Variants in EIF4E3 observed in about 807,000 individuals in gnomAD.
EIF4E3 encodes eukaryotic translation initiation factor 4E type 3.
A neutral mutation model predicts 31.7 loss-of-function variants in EIF4E3; 26 were observed. The ratio of observed to expected loss-of-function variants is 0.82; its 90% confidence interval spans 0.60 to 1.14. EIF4E3 has a LOEUF of 1.14. EIF4E3 is among the 50% of genes most tolerant of loss of function. The pLI is 0.00. For missense variants in EIF4E3, 304 were observed against 270.9 expected, an observed-to-expected ratio of 1.12 and a Z score of -0.86; for synonymous variants, 128 against 107.7, an observed-to-expected ratio of 1.19 and a Z score of -1.17.
At chr3:71,729,796 G>T (rs924477874), upstream of EIF4E3, among the ~76,000 whole-genome samples, 2 of 140,656 alleles carry the variant, frequency 1.4e-5, no homozygotes, top group Non-Finnish European at 3.1e-5. Flanking sequence ...CATTCCAATA[G>T]AATGTGTGTG....
chr3:71,754,024 G>T (rs1251941425), upstream of EIF4E3: 15 of 1,144,762 alleles, frequency 1.3e-5, no homozygotes, highest in Non-Finnish European at 1.6e-5. The surrounding 1 kb of genome is among the most constrained non-coding windows in gnomAD (Gnocchi z 5.8). Context: ...GCCCCGGGGC[G>T]GAGCGCACGG....
chr3:71,685,040 T>C (rs1460562832), intron 6 of EIF4E3, among the ~76,000 whole-genome samples: 3 of 152,100 alleles, frequency 2.0e-5, no homozygotes, highest in Non-Finnish European at 4.4e-5. Context: ...TGCAAGCAAA[T>C]GCCGCAGGGG....
rs2048964012 is a variant in EIF4E3 at position 71,684,505 on chromosome 3, A to C, written c.*177T>G. 6.3e-6 allele frequency: 3 copies of C among 477,220 alleles called. No homozygotes were observed. The highest frequency in any genetic ancestry group is 7.1e-6 in the Non-Finnish European group (2 of 282,020). The allele number at this position is 477,220 out of a possible 1,614,324, so 29.6% of individuals were successfully genotyped here. On this transcript the variant is annotated 3_prime_UTR_variant, in exon 7 of 7. Coordinates refer to ENST00000425534, the MANE Select transcript of EIF4E3 (RefSeq NM_001134651.2). The stretch of plus-strand genomic sequence containing the variant: ...AAGTAATGTGACGGTAGAAACCCAC[A>C]CAATCTCCCCCCACCCCACCTGCCA...
intron 2 of EIF4E3, among the ~76,000 whole-genome samples, 161 bp downstream of exon 2, chr3:71,710,251 G>A (rs1353148020): frequency 1.3e-5 from 2 of 152,202 alleles, no homozygotes; most frequent in Non-Finnish European, 1.5e-5. Flanking sequence ...TGGCCCTGGA[G>A]CAGACTTGGT....
chr3:71,715,776 A>G lies in EIF4E3; in HGVS notation c.177-5292T>C, dbSNP rs557332914. ...ATGTAATAATGGCTCCCTTTTATTA[A>G]CCATGTATTATATGAAAGGGTTTTG... On this transcript the variant is annotated intron_variant, in intron 1 of 6. Coordinates refer to ENST00000425534, the MANE Select transcript of EIF4E3 (RefSeq NM_001134651.2). 2.6e-5 allele frequency among the ~76,000 whole-genome samples: 4 copies of G among 152,360 alleles called. No individual in the cohort carries two copies. The East Asian group carries it at 7.7e-4, about 29-fold the overall frequency.
chr3:71,700,207 A>G (rs1175794605), intron 2 of EIF4E3, among the ~76,000 whole-genome samples: 1 of 152,068 alleles, frequency 6.6e-6, no homozygotes, highest in African/African-American at 2.4e-5. Flanking sequence ...CAACAACAAG[A>G]AGAAAAGATG....
In EIF4E3 at chr3:71,680,261, G is replaced by A. The variant is rs570328970; in HGVS notation, c.*4421C>T. On this transcript the variant is annotated 3_prime_UTR_variant, in exon 7 of 7. Coordinates refer to ENST00000425534, the MANE Select transcript of EIF4E3 (RefSeq NM_001134651.2). The stretch of plus-strand genomic sequence containing the variant: ...ATAAAATCAGGGGTTCTCCAAGAGC[G>A]ATCTGAGCACCATCAGCATTAGAAT... 7.2e-5 allele frequency: 11 copies of A among 152,292 alleles called. No homozygotes were observed. Among genetic ancestry groups the A allele is most frequent in the African/African-American group, 2.2e-4 (9 of 41,548 alleles). 9.4% of individuals were successfully genotyped at this position (152,292 alleles called of 1,614,324 possible).
chr3:71,711,616 A>C (rs1255800769), intron 1 of EIF4E3, among the ~76,000 whole-genome samples: 1 of 152,222 alleles, frequency 6.6e-6, no homozygotes, highest in Non-Finnish European at 1.5e-5. Context: ...GGGTAAGCAC[A>C]GCAAGGACTA....
rs150850051 is a variant in EIF4E3, at chr3:71,678,456, C to T, written c.*6226G>A. 19 of 152,236 alleles carry T rather than the reference C, an allele frequency of 1.2e-4. No homozygotes were observed. In the East Asian group the frequency reaches 3.7e-3, roughly 29 times the overall value. The allele number at this position is 152,236 out of a possible 1,614,324, so 9.4% of individuals were successfully genotyped here. On this transcript the variant is annotated 3_prime_UTR_variant, in exon 7 of 7. Coordinates refer to ENST00000425534, the MANE Select transcript of EIF4E3 (RefSeq NM_001134651.2). ...CTAAACACATAAATCACTACCTTTT[C>T]AAGTAAGAAAAGTATAGTCTAGTCT...
chr3:71,723,962 A>C (rs1211325224), intron 1 of EIF4E3, among the ~76,000 whole-genome samples: 1 of 152,218 alleles, frequency 6.6e-6, no homozygotes, highest in Non-Finnish European at 1.5e-5. Flanking sequence ...CCAAAAGGAA[A>C]AAAGAAATGA....
rs753432070 is a variant in EIF4E3 at position 71,693,951 on chromosome 3, G to C, written c.406-10C>G. 31 of 1,565,126 alleles carry C rather than the reference G, an allele frequency of 2.0e-5. No individual in the cohort carries two copies. Among genetic ancestry groups the C allele is most frequent in the South Asian group, 4.7e-5 (4 of 84,990 alleles). Reference sequence around the variant, plus strand: ...CTTTCCAAACTGTGGACTGATATGGGAAAAGAATAAAAAACAAAACAAACA... The same window carrying C: ...CTTTCCAAACTGTGGACTGATATGGCAAAAGAATAAAAAACAAAACAAACA... On this transcript the variant is annotated splice_polypyrimidine_tract_variant and intron_variant, in intron 4 of 6. Transcript: ENST00000425534.
At chr3:71,738,593 C>A (rs1284238584) in intron 1 of EIF4E3, among the ~76,000 whole-genome samples, 1 of 151,954 alleles carries the variant, frequency 6.6e-6, no homozygotes, top group African/African-American at 2.4e-5. Context: ...AAAGAATCAA[C>A]CCTCCAGGAA....
Position 71,699,623 on chromosome 3 carries a change from C to A in EIF4E3, c.335G>T (p.Arg112Leu). 6.2e-7 allele frequency: 1 copy of A among 1,613,526 alleles called. No individual in the cohort carries two copies. The highest frequency in any genetic ancestry group is 8.5e-7 in the Non-Finnish European group (1 of 1,179,852). The change falls in exon 3 of 7, where the codon CGA becomes CTA. Residue 112 changes from arginine to leucine, a missense_variant. Coordinates refer to ENST00000425534, the MANE Select transcript of EIF4E3 (RefSeq NM_001134651.2). ...CSYHLMRGERRPLWEEESNAK... is the reference protein window; with the variant it reads ...CSYHLMRGERLPLWEEESNAK... ...CACGTTAGACACTTACCAAAGTGGT[C>A]GCCTCTCTCCTCTCATTAAATGATA...
intron 2 of EIF4E3, among the ~76,000 whole-genome samples, chr3:71,710,008 T>C (rs1041195721): frequency 6.6e-6 from 1 of 152,064 alleles, no homozygotes; most frequent in African/African-American, 2.4e-5. Context: ...TCTAAACCTT[T>C]AGTAACCCTG....
At chr3:71,713,457 G>C (rs919573858) in intron 1 of EIF4E3, among the ~76,000 whole-genome samples, 2 of 152,082 alleles carry the variant, frequency 1.3e-5, no homozygotes, top group Non-Finnish European at 2.9e-5. Flanking sequence ...TTGTTTTTGG[G>C]AAAAGGTCTC....
chr3:71,666,946 A>G, the EIF4E3 span, among the ~76,000 whole-genome samples: 14 of 152,184 alleles, frequency 9.2e-5, no homozygotes, highest in Non-Finnish European at 1.9e-4. Flanking sequence ...CTCAAAAAAA[A>G]AGAAAAAAGA....
rs1255771319 is a variant in EIF4E3 at position 71,680,172 on chromosome 3, A to G, written c.*4510T>C. On this transcript the variant is annotated 3_prime_UTR_variant, in exon 7 of 7. Coordinates refer to ENST00000425534, the MANE Select transcript of EIF4E3 (RefSeq NM_001134651.2). ...AAGATTGTTGGTATCATACATTGGA[A>G]TCAGGTCACCTGACAGAGCTTAGGG... is the stretch of plus-strand genomic sequence containing the variant. The G allele has an allele frequency of 1.3e-5, 2 of 152,180 alleles. No individual in the cohort carries two copies. Among genetic ancestry groups the G allele is most frequent in the African/African-American group, 4.8e-5 (2 of 41,440 alleles). 9.4% of individuals were successfully genotyped at this position (152,180 alleles called of 1,614,324 possible).
chr3:71,707,246 C>T (rs140788527), intron 2 of EIF4E3, among the ~76,000 whole-genome samples: 183 of 152,296 alleles, frequency 1.2e-3, no homozygotes, highest in African/African-American at 4.3e-3. Context: ...CAATTATTTC[C>T]ATCTTACAGA....
At chr3:71,670,808 A>G (rs1161785318), downstream of EIF4E3, among the ~76,000 whole-genome samples, 1 of 152,192 alleles carries the variant, frequency 6.6e-6, no homozygotes, top group African/African-American at 2.4e-5. Context: ...GCATTGTCTC[A>G]TTTAATCTTC....
Sources: gnomAD v4.1 joint callset for allele counts (sites outside exome capture counted in the v4.1 genomes callset) on GRCh38, gnomAD v4.1.1 for gene constraint, Gnocchi (gnomAD v3.1) non-coding constraint, MANE v1.5 for transcripts, NCBI Gene and HGNC (gene_info 2026-07-23, HGNC 2026-07-21) for gene names.